ACTR3: variants seen among roughly 807,000 people sequenced by gnomAD.
ACTR3 encodes the protein actin-related protein 3.
ACTR3 carries 12 observed loss-of-function variants against 56.8 expected under a neutral mutation model. That is an observed-to-expected ratio of 0.21 (90% CI 0.14 to 0.34). The LOEUF is 0.34. Ranked by LOEUF, ACTR3 falls within the 10% of genes least tolerant of loss-of-function variation. ACTR3 has a pLI of 1.00. For missense variants in ACTR3, 282 were observed against 512.5 expected (o/e 0.55, Z 4.34); for synonymous variants, 162 against 167.4 (o/e 0.97, Z 0.25).
At chr2:113,894,920 T>C (rs982340796) in intron 1 of ACTR3, among the ~76,000 whole-genome samples, 2 of 152,138 alleles carry the variant, frequency 1.3e-5, no homozygotes, top group African/African-American at 4.8e-5. Context: ...TTTCAGAACT[T>C]TATGTGTTGC....
At chr2:113,950,700 G>A (rs149896348) in intron 8 of ACTR3, 80 of 152,322 alleles carry the variant, frequency 5.3e-4, no homozygotes, top group African/African-American at 1.9e-3. Context: ...CATGTTTGGG[G>A]AGTTTCTTCA....
chr2:113,933,834 C>T (rs548690282), intron 5 of ACTR3: 9 of 160,932 alleles, frequency 5.6e-5, no homozygotes, highest in East Asian at 1.9e-4. Context: ...CGCCCGCCAC[C>T]GCACCTGGCT....
In ACTR3 at chr2:113,958,007, C is replaced by G. The variant is rs1355572192; in HGVS notation, c.*552C>G. The G allele has an allele frequency of 2.6e-5, 4 of 152,336 alleles. No individual in the cohort carries two copies. Among genetic ancestry groups the G allele is most frequent in the Non-Finnish European group, 2.9e-5 (2 of 68,106 alleles). The allele number at this position is 152,336 out of a possible 1,614,324, so 9.4% of individuals were successfully genotyped here. ...TTCCATCCCTCTCCACCCCTTCCCC[C>G]CAAAAGGTTTTCTTTGCAAGTGCTT... On this transcript the variant is annotated 3_prime_UTR_variant, in exon 12 of 12. Coordinates refer to ENST00000263238, the MANE Select transcript of ACTR3 (RefSeq NM_005721.5).
chr2:113,890,664 G>A lies in ACTR3; in HGVS notation c.44+341G>A. ...CGTCTTGGGGGTGGTCCCCGGGCCC[G>A]ACCCATCCGGCTTTCCTTTCCCTCC... On this transcript the variant is annotated intron_variant, in intron 1 of 11. Transcript: ENST00000263238. 2.5e-6 allele frequency: 3 copies of A among 1,195,442 alleles called. No homozygotes were observed. The South Asian group carries it at 9.7e-5, about 39-fold the overall frequency. The allele number at this position is 1,195,442 out of a possible 1,614,324, so 74.1% of individuals were successfully genotyped here.
At position 113,890,178 on chromosome 2, in the gene ACTR3, C is replaced by A; in HGVS notation, c.-102C>A. 1 of 1,478,100 alleles carries A rather than the reference C, an allele frequency of 6.8e-7. No individual in the cohort carries two copies. Among genetic ancestry groups the A allele is most frequent in the Non-Finnish European group, 9.2e-7 (1 of 1,081,998 alleles). The allele number at this position is 1,478,100 out of a possible 1,614,324, so 91.6% of individuals were successfully genotyped here. A position where few individuals can be genotyped will look rare whatever the true frequency, so the allele number is the denominator to read the frequency against. On this transcript the variant is annotated 5_prime_UTR_variant, in exon 1 of 12. Coordinates refer to ENST00000263238, the MANE Select transcript of ACTR3 (RefSeq NM_005721.5). ...TACCCCCCGGACGGTGAAGGCGGCC[C>A]AGCTGTGGATGGTCAGATAGCCCTT... is the stretch of plus-strand genomic sequence containing the variant.
chr2:113,902,799 C>T (rs954135149), intron 1 of ACTR3, among the ~76,000 whole-genome samples: 4 of 152,086 alleles, frequency 2.6e-5, no homozygotes, highest in Admixed American at 1.3e-4. Flanking sequence ...GGGGTTTCGC[C>T]GTGTTGGCCA....
chr2:113,912,061 C>T (rs908235984), intron 1 of ACTR3, among the ~76,000 whole-genome samples: 2 of 151,690 alleles, frequency 1.3e-5, no homozygotes, highest in Admixed American at 6.6e-5. Flanking sequence ...GTTTTAGTAG[C>T]GAGGGTGTTT....
intron 3 of ACTR3, among the ~76,000 whole-genome samples, chr2:113,924,251 T>G (rs1314068170): frequency 6.6e-6 from 1 of 151,798 alleles, no homozygotes; most frequent in East Asian, 1.9e-4. Flanking sequence ...AAATTTTTTT[T>G]TTTTTTGTAG....
intron 1 of ACTR3, among the ~76,000 whole-genome samples, chr2:113,899,542 T>G (rs1679063448): frequency 6.6e-6 from 1 of 152,234 alleles, no homozygotes; most frequent in Admixed American, 6.5e-5. Flanking sequence ...TATGGATGGC[T>G]TACTAGCATT....
intron 2 of ACTR3, among the ~76,000 whole-genome samples, chr2:113,914,736 A>C (rs2104594587): frequency 6.6e-6 from 1 of 152,114 alleles, no homozygotes; most frequent in South Asian, 2.1e-4. Context: ...AACTTATTTG[A>C]CTTGTGTGTT....
Position 113,934,296 on chromosome 2 carries a change from T to C in ACTR3, c.450T>C (p.Ala150=), listed in dbSNP as rs1192619987. 1.9e-5 allele frequency: 31 copies of C among 1,602,128 alleles called. No individual in the cohort carries two copies. The highest frequency in any genetic ancestry group is 2.3e-5 in the Non-Finnish European group (27 of 1,176,140). The change falls in exon 6 of 12, where the codon GCT becomes GCC. Residue 150 remains alanine (A), a synonymous_variant. Transcript: ENST00000263238. ...YIAVQAVLAL[A]ASWTSRQVGE... ...TGCTCAAGGCTGTTCTTGCCTTAGC[T>C]GCATCTTGGACCTCAAGACAAGTAG...
chr2:113,935,340 C>T (rs1679807684), intron 6 of ACTR3, among the ~76,000 whole-genome samples: 1 of 152,206 alleles, frequency 6.6e-6, no homozygotes, highest in Admixed American at 6.5e-5. Flanking sequence ...AACCCTGTAA[C>T]TATTAACAGT....
chr2:113,932,210 TC>T (rs1679736882), intron 5 of ACTR3, among the ~76,000 whole-genome samples: 1 of 152,194 alleles, frequency 6.6e-6, no homozygotes, highest in Non-Finnish European at 1.5e-5. Context: ...TTTAATGCAA[TC>T]CATAAATTTA....
intron 1 of ACTR3, among the ~76,000 whole-genome samples, chr2:113,910,599 G>C (rs1043523310): frequency 6.6e-6 from 1 of 152,078 alleles, no homozygotes; most frequent in African/African-American, 2.4e-5. Flanking sequence ...GTTATCTCCA[G>C]GTAGATAGTA....
chr2:113,940,485 A>G (rs1027579478), intron 7 of ACTR3, among the ~76,000 whole-genome samples: 3 of 152,124 alleles, frequency 2.0e-5, no homozygotes, highest in East Asian at 3.8e-4. Context: ...AATTATTTTG[A>G]TACAATTGAT....
chr2:113,940,110 G>C lies in ACTR3; in HGVS notation c.684+8G>C, dbSNP rs1289899621. The C allele has an allele frequency of 6.2e-7, 1 of 1,606,920 alleles. No individual in the cohort carries two copies. On this transcript the variant is annotated splice_region_variant and intron_variant, in intron 7 of 11. Coordinates refer to ENST00000263238, the MANE Select transcript of ACTR3 (RefSeq NM_005721.5). ...ACTGCTAAGGCAGTAAAGGTAAAAA[G>C]TGTGATAGGAGTGTAATTTAGTTAA... is the stretch of plus-strand genomic sequence containing the variant.
intron 1 of ACTR3, among the ~76,000 whole-genome samples, chr2:113,892,700 T>A (rs1678928290): frequency 6.6e-6 from 1 of 152,242 alleles, no homozygotes; most frequent in Admixed American, 6.5e-5. Flanking sequence ...TAATTTTTTT[T>A]ATGCTTTAGA....
At chr2:113,928,733 G>T (rs1679663242) in intron 4 of ACTR3, among the ~76,000 whole-genome samples, 1 of 151,982 alleles carries the variant, frequency 6.6e-6, no homozygotes, top group African/African-American at 2.4e-5. Context: ...CAGGTGGTGG[G>T]CTGTATTTGA....
At chr2:113,906,289 T>C (rs778927599) in intron 1 of ACTR3, among the ~76,000 whole-genome samples, 8 of 152,196 alleles carry the variant, frequency 5.3e-5, no homozygotes, top group Non-Finnish European at 1.2e-4. Flanking sequence ...TATATTTTCT[T>C]TGGAGAAATG....
Sources: allele counts gnomAD v4.1 joint callset (sites outside exome capture counted in the v4.1 genomes callset), GRCh38; gene constraint gnomAD v4.1.1; transcripts MANE v1.5; gene names NCBI Gene and HGNC (gene_info 2026-07-23, HGNC 2026-07-21).